The following CBLN2 variants were observed in gnomAD, a reference collection of about 807,000 sequenced individuals.
CBLN2 encodes cerebellin-2.
In CBLN2, 7 loss-of-function variants were observed where a neutral mutation model predicts 15.0. The observed-to-expected ratio is 0.47, with a 90% CI of 0.27 to 0.88. The LOEUF (loss-of-function observed/expected upper bound fraction) is 0.88, where lower values mean the gene tolerates loss of function less well. CBLN2 is among the 40% of genes least tolerant of loss of function. CBLN2 has a pLI of 0.14. For missense variants in CBLN2, 242 were observed against 304.5 expected, an observed-to-expected ratio of 0.79 and a Z score of 1.53; for synonymous variants, 149 against 135.2, an observed-to-expected ratio of 1.10 and a Z score of -0.71.
chr18:72,547,777 T>C (rs1357760272), upstream of CBLN2, among the ~76,000 whole-genome samples: 2 of 152,224 alleles, frequency 1.3e-5, no homozygotes, highest in African/African-American at 2.4e-5. Context: ...GTGTATTTCC[T>C]TCTCAAGTGT....
intron 1 of CBLN2, among the ~76,000 whole-genome samples, chr18:72,579,307 A>T (rs2069388016): frequency 6.6e-6 from 1 of 152,178 alleles, no homozygotes; most frequent in Non-Finnish European, 1.5e-5. Context: ...TACATATATA[A>T]CTCGCCATAA....
intron 1 of CBLN2, among the ~76,000 whole-genome samples, chr18:72,601,584 CTT>C (rs777024098): frequency 6.6e-5 from 10 of 152,218 alleles, no homozygotes; most frequent in Non-Finnish European, 1.3e-4. Context: ...ATTCTACAAA[CTT>C]GGGTCAGACT....
intron 1 of CBLN2, among the ~76,000 whole-genome samples, chr18:72,604,859 A>G (rs1266543477): frequency 1.3e-5 from 2 of 152,242 alleles, no homozygotes; most frequent in African/African-American, 4.8e-5. Context: ...TAAATTACCT[A>G]TGTTGTAAGC....
intron 1 of CBLN2, among the ~76,000 whole-genome samples, chr18:72,576,660 G>A (rs749986020): frequency 6.6e-6 from 1 of 151,880 alleles, no homozygotes; most frequent in Non-Finnish European, 1.5e-5. Context: ...CTTTTATTTA[G>A]TATCTATTCT....
intron 1 of CBLN2, among the ~76,000 whole-genome samples, chr18:72,599,758 C>T (rs1176945277): frequency 1.3e-5 from 2 of 152,154 alleles, no homozygotes; most frequent in Non-Finnish European, 2.9e-5. Context: ...GGGTCAAGAG[C>T]ACAAATGATG....
intron 1 of CBLN2, among the ~76,000 whole-genome samples, chr18:72,565,405 C>G (rs2069288178): frequency 6.6e-6 from 1 of 151,754 alleles, no homozygotes; most frequent in African/African-American, 2.4e-5. Flanking sequence ...AATCAGATTT[C>G]TAGTATGAAG....
At chr18:72,573,532 A>G (rs1220629901) in intron 1 of CBLN2, among the ~76,000 whole-genome samples, 1 of 152,170 alleles carries the variant, frequency 6.6e-6, no homozygotes, top group Non-Finnish European at 1.5e-5. Flanking sequence ...AGTTGGAAGC[A>G]TATGTATGTA....
chr18:72,577,381 A>T (rs2069375181), intron 1 of CBLN2, among the ~76,000 whole-genome samples: 1 of 152,160 alleles, frequency 6.6e-6, no homozygotes, highest in Non-Finnish European at 1.5e-5. Flanking sequence ...ATTTTATTCT[A>T]GTTTATTCCA....
chr18:72,542,576 G>A (rs1002235738), intron 2 of CBLN2, among the ~76,000 whole-genome samples: 2 of 152,120 alleles, frequency 1.3e-5, no homozygotes, highest in African/African-American at 4.8e-5. Flanking sequence ...CCGCGCTTCT[G>A]CAGGTCCTCG....
At chr18:72,609,144 G>T (rs2144951852) in intron 1 of CBLN2, among the ~76,000 whole-genome samples, 1 of 152,166 alleles carries the variant, frequency 6.6e-6, no homozygotes, top group South Asian at 2.1e-4. Flanking sequence ...GGCCAATAAG[G>T]TAAATTTGAC....
chr18:72,555,131 T>A (rs1168562637), intron 1 of CBLN2, among the ~76,000 whole-genome samples: 1 of 149,176 alleles, frequency 6.7e-6, no homozygotes, highest in African/African-American at 2.4e-5. Flanking sequence ...CGAGATTCTG[T>A]CTTTAAAAAA....
At chr18:72,627,990 T>G (rs994504910) in intron 1 of CBLN2, among the ~76,000 whole-genome samples, 1 of 152,220 alleles carries the variant, frequency 6.6e-6, no homozygotes, top group Non-Finnish European at 1.5e-5. Context: ...ATTCTTTGCA[T>G]TTTCTTATGT....
chr18:72,545,171 A>G (rs1485084961), upstream of CBLN2, among the ~76,000 whole-genome samples: 1 of 152,086 alleles, frequency 6.6e-6, no homozygotes, highest in Admixed American at 6.5e-5. Context: ...AGGCCCTCTC[A>G]CCGCTATTCT....
rs55662700 is a variant in CBLN2 at position 72,590,747 on chromosome 18, T to C, written c.15+47578A>G. Reference sequence around the variant, plus strand: ...AACCTATAGTGTGATAATAAAACCATTGATTCCTTCAGGTGAATAGTGATG... The same window carrying C: ...AACCTATAGTGTGATAATAAAACCACTGATTCCTTCAGGTGAATAGTGATG... On this transcript the variant is annotated intron_variant, in intron 1 of 2. Coordinates refer to the CBLN2 transcript ENST00000581073. 4.2e-3 allele frequency among the ~76,000 whole-genome samples: 635 copies of C among 152,330 alleles called. 3 individuals are homozygous for C. The highest frequency in any genetic ancestry group is 6.3e-3 in the Non-Finnish European group (429 of 68,024).
intron 1 of CBLN2, among the ~76,000 whole-genome samples, chr18:72,616,646 A>G (rs2069664577): frequency 6.6e-6 from 1 of 152,182 alleles, no homozygotes; most frequent in Non-Finnish European, 1.5e-5. Flanking sequence ...ATCTCTATAA[A>G]TGGATTAATG....
chr18:72,625,551 T>C (rs934201788), intron 1 of CBLN2, among the ~76,000 whole-genome samples: 1 of 151,456 alleles, frequency 6.6e-6, no homozygotes, highest in Non-Finnish European at 1.5e-5. Context: ...CAATGCATGA[T>C]ACACCATAGC....
chr18:72,576,650 C>T (rs2069368676), intron 1 of CBLN2, among the ~76,000 whole-genome samples: 1 of 151,910 alleles, frequency 6.6e-6, no homozygotes, highest in African/African-American at 2.4e-5. Context: ...TTCTAAAATC[C>T]TTTTATTTAG....
chr18:72,591,100 G>A (rs533122960), intron 1 of CBLN2, among the ~76,000 whole-genome samples: 2 of 152,182 alleles, frequency 1.3e-5, no homozygotes, highest in African/African-American at 2.4e-5. Flanking sequence ...AGTGTGACTG[G>A]TGTTTATCTT....
chr18:72,605,805 C>T (rs905305263), intron 1 of CBLN2, among the ~76,000 whole-genome samples: 9 of 152,240 alleles, frequency 5.9e-5, no homozygotes, highest in Admixed American at 1.3e-4. Context: ...ATGGGCCTCA[C>T]GGCCCAGCCT....
Sources: gnomAD v4.1 joint callset for allele counts (sites outside exome capture counted in the v4.1 genomes callset) on GRCh38, gnomAD v4.1.1 for gene constraint, MANE v1.5 for transcripts, NCBI Gene and HGNC (gene_info 2026-07-23, HGNC 2026-07-21) for gene names.